Variants in CYP2S1 observed in about 807,000 individuals in gnomAD.
The protein encoded by CYP2S1 is cytochrome P450 2S1.
CYP2S1 carries 32 observed loss-of-function variants against 43.5 expected under a neutral mutation model. That is an observed-to-expected ratio of 0.74 (90% CI 0.56 to 0.99). CYP2S1 has a LOEUF of 0.99. Among genes scored for constraint, CYP2S1 ranks in the 50% least tolerant of loss-of-function variants. CYP2S1 has a pLI of 0.00. For missense variants in CYP2S1, 575 were observed against 673.9 expected (o/e 0.85, Z 1.62); for synonymous variants, 283 against 302.9 (o/e 0.93, Z 0.68).
intron 5 of CYP2S1, among the ~76,000 whole-genome samples, chr19:41,199,101 C>T (rs1221716243): frequency 2.6e-5 from 4 of 152,130 alleles, no homozygotes; most frequent in South Asian, 2.1e-4. Context: ...CCTCTCCCGC[C>T]CCCGACCTGG....
In CYP2S1 at chr19:41,198,657, C is replaced by T. The variant is rs750895246; in HGVS notation, c.654+35C>T. On this transcript the variant is annotated intron_variant, in intron 4 of 8. Coordinates refer to ENST00000310054, the MANE Select transcript of CYP2S1 (RefSeq NM_030622.8). The surrounding 1 kb of genome is among the most constrained non-coding windows in gnomAD (Gnocchi z 4.9). ...TGGGACCCCTCTCCAACTACCTTCC[C>T]TGAAGGTTCCTGCCAAGGTCCCATG... 1.2e-6 allele frequency: 2 copies of T among 1,613,678 alleles called. No individual in the cohort carries two copies. The highest frequency in any genetic ancestry group is 1.1e-5 in the South Asian group (1 of 91,064).
chr19:41,206,324 T>C lies in CYP2S1; in HGVS notation c.1351T>C (p.Phe451Leu), dbSNP rs1465131578. ...LGEGLAKAEL[F>L]LFFTTILQAF... ...AGAGGGCCTGGCAAAAGCGGAGCTC[T>C]TCCTCTTCTTCACCACCATCCTACA... The change falls in exon 9 of 9, where the codon TTC becomes CTC. Residue 451 changes from phenylalanine to leucine, a missense_variant. Coordinates refer to ENST00000310054, the MANE Select transcript of CYP2S1 (RefSeq NM_030622.8). 9 of 1,614,128 alleles carry C rather than the reference T, an allele frequency of 5.6e-6. No homozygotes were observed. The highest frequency in any genetic ancestry group is 6.8e-6 in the Non-Finnish European group (8 of 1,180,038).
Position 41,198,972 on chromosome 19 carries a change from A to G in CYP2S1, c.834+84A>G, listed in dbSNP as rs1378551052. 1.2e-5 allele frequency: 18 copies of G among 1,485,256 alleles called. No homozygotes were observed. The highest frequency in any genetic ancestry group is 1.8e-4 in the Middle Eastern group (1 of 5,488). The allele number at this position is 1,485,256 out of a possible 1,614,324, so 92.0% of individuals were successfully genotyped here. A position where few individuals can be genotyped will look rare whatever the true frequency, so the allele number is the denominator to read the frequency against. On this transcript the variant is annotated intron_variant, in intron 5 of 8. Transcript: ENST00000310054. The surrounding 1 kb of genome is among the most constrained non-coding windows in gnomAD (Gnocchi z 4.9). ...CAGCCAGGTGTCCCTGGGGACCTCA[A>G]TTGGGTTCCTCTCTCTTTCTCTCTC...
At chr19:41,194,309 G>A (rs1341000861) in intron 1 of CYP2S1, among the ~76,000 whole-genome samples, 3 of 152,124 alleles carry the variant, frequency 2.0e-5, no homozygotes, top group Non-Finnish European at 4.4e-5. Flanking sequence ...CAGGAAGCAA[G>A]GGAACGACAG....
intron 5 of CYP2S1, 87 bp from the exon 6 acceptor site, chr19:41,201,144 T>G: frequency 6.6e-7 from 1 of 1,512,392 alleles, no homozygotes; most frequent in East Asian, 2.3e-5. Context: ...AACTTTAACT[T>G]GTGTTTCCGA....
chr19:41,206,459 G>C lies in CYP2S1; in HGVS notation c.1486G>C (p.Asp496His). 1 of 1,614,110 alleles carries C rather than the reference G, an allele frequency of 6.2e-7. No individual in the cohort carries two copies. The highest frequency in any genetic ancestry group is 8.5e-7 in the Non-Finnish European group (1 of 1,180,034). ...CTTCCAGCTGCAAGTCCGTCCCACTGACCTTCACTCCACCACGCAGACCAG... is the reference window on the plus strand; with the variant it reads ...CTTCCAGCTGCAAGTCCGTCCCACTCACCTTCACTCCACCACGCAGACCAG... ...PAFQLQVRPTDLHSTTQTR is the reference protein window; with the variant it reads ...PAFQLQVRPTHLHSTTQTR The change falls in exon 9 of 9, where the codon GAC becomes CAC. Residue 496 changes from aspartate to histidine, a missense_variant. Asp to His is a moderately conservative substitution (Grantham distance 81). Transcript: ENST00000310054.
chr19:41,203,432 C>A lies in CYP2S1; in HGVS notation c.977-18C>A. ...GGGCCCTACCCCCGTCTGACTCCTG[C>A]CCTCCTCTTGCTTGCAGAGTGGGTA... On this transcript the variant is annotated intron_variant, in intron 6 of 8. Coordinates refer to ENST00000310054, the MANE Select transcript of CYP2S1 (RefSeq NM_030622.8). 6.3e-7 allele frequency: 1 copy of A among 1,579,144 alleles called. No individual in the cohort carries two copies. The highest frequency in any genetic ancestry group is 8.6e-7 in the Non-Finnish European group (1 of 1,161,126).
chr19:41,198,591 C>A lies in CYP2S1; in HGVS notation c.623C>A (p.Thr208Asn), dbSNP rs759420665. The A allele has an allele frequency of 1.9e-6, 3 of 1,614,066 alleles. No homozygotes were observed. The highest frequency in any genetic ancestry group is 2.5e-6 in the Non-Finnish European group (3 of 1,180,022). ...FQAVVRAAGG[T>N]LLGVSSQGGQ... Reference sequence around the variant, plus strand: ...GCCGTGGTCCGGGCAGCTGGTGGTACCCTGCTGGGAGTCAGCTCCCAGGGG... The same window carrying A: ...GCCGTGGTCCGGGCAGCTGGTGGTAACCTGCTGGGAGTCAGCTCCCAGGGG... Residue 208 changes from threonine (T) to asparagine (N), a missense_variant, in exon 4 of 9, where the codon ACC (threonine) becomes AAC (asparagine). Physicochemically the swap from Thr to Asn is moderately conservative, Grantham distance 65. This residue lies in a region of CYP2S1 where 353 missense variants were observed against 367.6 expected (regional missense o/e 0.96). Transcript: ENST00000310054. The surrounding 1 kb of genome is among the most constrained non-coding windows in gnomAD (Gnocchi z 4.9).
At chr19:41,203,719 C>A in intron 7 of CYP2S1, 82 bp downstream of exon 7, 1 of 1,362,284 alleles carries the variant, frequency 7.3e-7, no homozygotes, top group Non-Finnish European at 9.7e-7. Context: ...GTCTCCCTGA[C>A]TTTTTCTTGA....
At chr19:41,203,749 C>A in intron 7 of CYP2S1, 112 bp downstream of exon 7, 1 of 1,101,270 alleles carries the variant, frequency 9.1e-7, no homozygotes, top group Non-Finnish European at 1.2e-6. Flanking sequence ...CTCTCTCTCT[C>A]TCTCTCTGTC....
chr19:41,206,380 G>A lies in CYP2S1; in HGVS notation c.1407G>A (p.Pro469=), dbSNP rs111879045. The part of the protein sequence containing the change: ...QAFSLESPCP[P]DTLSLKPTVS... ...TCTCCCTGGAGAGCCCGTGCCCGCC[G>A]GACACCCTGAGCCTCAAGCCCACCG... The change falls in exon 9 of 9, where the codon CCG becomes CCA. Residue 469 remains proline (P), a synonymous_variant. Transcript: ENST00000310054. The A allele has an allele frequency of 9.4e-4, 1,511 of 1,614,014 alleles. 6 individuals are homozygous for A. Among genetic ancestry groups the A allele is most frequent in the African/African-American group, 2.8e-3 (212 of 74,968 alleles).
chr19:41,204,388 C>G (rs941273984), intron 7 of CYP2S1, among the ~76,000 whole-genome samples: 3 of 147,298 alleles, frequency 2.0e-5, no homozygotes, highest in Admixed American at 1.3e-4. Context: ...GCTGCAGACA[C>G]ATTCTCTCCT....
chr19:41,203,497 C>T lies in CYP2S1; in HGVS notation c.1024C>T (p.Pro342Ser), dbSNP rs760206447. Residue 342 changes from proline (P) to serine (S), a missense_variant, in exon 7 of 9, where the codon CCA becomes TCA. Transcript: ENST00000310054. The stretch of plus-strand genomic sequence containing the variant: ...TCGGGAGCTGGGGGCTGGCCAGGCA[C>T]CAAGCCTAGGGGACCGTACCCGCCT... The part of the protein sequence containing the change: ...LNRELGAGQA[P>S]SLGDRTRLPY... 5 of 1,606,032 alleles carry T rather than the reference C, an allele frequency of 3.1e-6. No individual in the cohort carries two copies. The highest frequency in any genetic ancestry group is 1.7e-5 in the Admixed American group (1 of 59,258).
rs546539394 is a variant in CYP2S1, at chr19:41,198,068, C to A, written c.493+140C>A. On this transcript the variant is annotated intron_variant, in intron 3 of 8. Transcript: ENST00000310054. The surrounding 1 kb of genome is among the most constrained non-coding windows in gnomAD (Gnocchi z 4.9). ...GAACTCTAGGGCTGGCCTGGGGGTT[C>A]TGTTCACTGCCACCTTCTGTCTCTG... The A allele has an allele frequency of 2.5e-6, 3 of 1,193,388 alleles. No individual in the cohort carries two copies. The highest frequency in any genetic ancestry group is 3.1e-5 in the African/African-American group (2 of 64,756). The allele number at this position is 1,193,388 out of a possible 1,614,324, so 73.9% of individuals were successfully genotyped here.
At chr19:41,202,634 A>C (rs1233286249) in intron 6 of CYP2S1, among the ~76,000 whole-genome samples, 1 of 151,592 alleles carries the variant, frequency 6.6e-6, no homozygotes, top group Non-Finnish European at 1.5e-5. Flanking sequence ...TACCGAAAAT[A>C]GAAAAATTAG....
At chr19:41,197,396 C>G (rs147952293) in intron 2 of CYP2S1, among the ~76,000 whole-genome samples, 3,126 of 152,116 alleles carry the variant, frequency 0.021, 43 homozygotes, top group South Asian at 0.039. Context: ...CTCAGGGAAC[C>G]TCACTAGAAA....
intron 1 of CYP2S1, chr19:41,193,720 G>A: frequency 2.2e-6 from 1 of 451,226 alleles, no homozygotes; most frequent in Non-Finnish European, 3.4e-6. Context: ...TGATGGGCAG[G>A]GACCGAGGCT....
chr19:41,201,781 C>T (rs1278980361), intron 6 of CYP2S1, among the ~76,000 whole-genome samples: 4 of 151,480 alleles, frequency 2.6e-5, no homozygotes, highest in Non-Finnish European at 4.4e-5. Context: ...TTTGAGGCAT[C>T]GATGGGCATG....
Position 41,207,270 on chromosome 19 carries a change from A to G in CYP2S1, c.*782A>G. On this transcript the variant is annotated 3_prime_UTR_variant, in exon 9 of 9. Transcript: ENST00000310054. Reference sequence around the variant, plus strand: ...AGACTTTGGACATACGAGGACCCTCAGACCGGAGGAACACCTGCCCAACCC... The same window carrying G: ...AGACTTTGGACATACGAGGACCCTCGGACCGGAGGAACACCTGCCCAACCC... The G allele has an allele frequency of 4.8e-6, 1 of 209,812 alleles. No individual in the cohort carries two copies. The highest frequency in any genetic ancestry group is 9.7e-6 in the Non-Finnish European group (1 of 103,130). The allele number at this position is 209,812 out of a possible 1,614,324, so 13.0% of individuals were successfully genotyped here.
Sources: gnomAD v4.1 joint callset for allele counts (sites outside exome capture counted in the v4.1 genomes callset) on GRCh38, gnomAD v4.1.1 for gene constraint, gnomAD v4.1.1 regional missense constraint, Gnocchi (gnomAD v3.1) non-coding constraint, MANE v1.5 for transcripts, NCBI Gene and HGNC (gene_info 2026-07-23, HGNC 2026-07-21) for gene names.